The following EBF1 variants were observed in gnomAD, a reference collection of about 807,000 sequenced individuals.
The protein encoded by EBF1 is transcription factor COE1.
In EBF1, 10 loss-of-function variants were observed where a neutral mutation model predicts 68.4. The observed-to-expected ratio is 0.15, with a 90% CI of 0.09 to 0.25. The LOEUF (loss-of-function observed/expected upper bound fraction) is 0.25. Among genes scored for constraint, EBF1 ranks in the 10% least tolerant of loss-of-function variants. EBF1 has a pLI of 1.00. For missense variants in EBF1, 509 were observed against 794.4 expected (o/e 0.64, Z 4.32); for synonymous variants, 298 against 299.8 (o/e 0.99, Z 0.06).
intron 6 of EBF1, among the ~76,000 whole-genome samples, chr5:159,029,694 C>T (rs779484002): frequency 4.6e-5 from 7 of 151,826 alleles, no homozygotes; most frequent in Non-Finnish European, 7.4e-5. Flanking sequence ...ATGGCTCATG[C>T]CTGTAATCCT....
At chr5:158,945,249 T>A (rs192328819) in intron 6 of EBF1, among the ~76,000 whole-genome samples, 19 of 152,324 alleles carry the variant, frequency 1.2e-4, no homozygotes, top group Non-Finnish European at 2.1e-4. Context: ...AATTTTTGTA[T>A]AAGATGTAAG....
chr5:159,006,538 C>T (rs983520536), intron 6 of EBF1, among the ~76,000 whole-genome samples: 2 of 148,858 alleles, frequency 1.3e-5, no homozygotes, highest in Admixed American at 6.8e-5. Context: ...ACCATAATCA[C>T]CAAATCACAA....
At chr5:158,814,357 G>GT (rs1562004920) in intron 8 of EBF1, among the ~76,000 whole-genome samples, 1 of 151,946 alleles carries the variant, frequency 6.6e-6, no homozygotes, top group African/African-American at 2.4e-5. Context: ...TAAAAAAAAA[G>GT]TTTTTACATA....
At chr5:158,909,509 G>A (rs1281455478) in intron 6 of EBF1, among the ~76,000 whole-genome samples, 2 of 152,054 alleles carry the variant, frequency 1.3e-5, no homozygotes, top group African/African-American at 4.8e-5. Context: ...TTAATTAAGG[G>A]GAATCAAAAC....
chr5:158,918,761 C>T (rs1301478458), intron 6 of EBF1, among the ~76,000 whole-genome samples: 5 of 152,134 alleles, frequency 3.3e-5, no homozygotes, highest in Non-Finnish European at 5.9e-5. Context: ...ATTTATTTAC[C>T]AAATACTCAG....
chr5:159,080,653 TTAA>T (rs747147149), intron 5 of EBF1, among the ~76,000 whole-genome samples: 1 of 152,188 alleles, frequency 6.6e-6, no homozygotes, highest in Non-Finnish European at 1.5e-5. Context: ...ACTCTTACTA[TTAA>T]TAATAACAGT....
chr5:158,807,687 A>G lies in EBF1; in HGVS notation c.779-11212T>C, dbSNP rs10072496. Among the ~76,000 whole-genome samples the G allele has an allele frequency of 7.5e-3, 1,146 of 152,250 alleles. 21 individuals are homozygous for G. The highest frequency in any genetic ancestry group is 0.026 in the African/African-American group (1,089 of 41,574). ...GTCACTGACTTACCAAACAATAAAC[A>G]TAATCATGGCCAATTCTGCTCCTGA... On this transcript the variant is annotated intron_variant, in intron 8 of 15. Transcript: ENST00000313708.
intron 6 of EBF1, chr5:158,986,380 G>C (rs1759079863): frequency 6.6e-6 from 1 of 152,088 alleles, no homozygotes; most frequent in Non-Finnish European, 1.5e-5. Flanking sequence ...GGTTTCCTAG[G>C]CTGACTCTGG....
At chr5:159,099,024 A>T (rs1277797400) in intron 1 of EBF1, among the ~76,000 whole-genome samples, 1 of 152,210 alleles carries the variant, frequency 6.6e-6, no homozygotes, top group African/African-American at 2.4e-5. Flanking sequence ...TCACATAAAA[A>T]CATAAAACAC....
intron 6 of EBF1, among the ~76,000 whole-genome samples, chr5:158,971,340 C>T (rs1311919068): frequency 6.6e-6 from 1 of 152,122 alleles, no homozygotes; most frequent in East Asian, 1.9e-4. Context: ...GTGTGGCCAG[C>T]CCAGTGAGTG....
intron 6 of EBF1, among the ~76,000 whole-genome samples, chr5:158,999,278 A>G (rs915725598): frequency 4.6e-5 from 7 of 151,152 alleles, no homozygotes; most frequent in Non-Finnish European, 8.9e-5. Context: ...CTTCAAAAGC[A>G]TTAGTACTTA....
intron 6 of EBF1, among the ~76,000 whole-genome samples, chr5:159,037,657 G>A (rs1269584909): frequency 6.7e-4 from 82 of 122,930 alleles, no homozygotes; most frequent in South Asian, 2.6e-3. Context: ...GGACTGTGGT[G>A]GGGTGGGGGG....
rs375404051 is a variant in EBF1, at chr5:158,943,709, C to T, written c.555-103599G>A. Among the ~76,000 whole-genome samples the T allele has an allele frequency of 1.4e-4, 22 of 152,226 alleles. 1 individual carries two copies. The highest frequency in any genetic ancestry group is 5.1e-4 in the African/African-American group (21 of 41,536). ...TCTGAATTCCTGGGAAAACTGTGAA[C>T]CATCTCTGAAATCTCAACTGAAATG... On this transcript the variant is annotated intron_variant, in intron 6 of 15. Coordinates refer to ENST00000313708, the MANE Select transcript of EBF1 (RefSeq NM_024007.5).
chr5:158,905,662 GA>G (rs1490491713), intron 6 of EBF1, among the ~76,000 whole-genome samples: 1 of 152,140 alleles, frequency 6.6e-6, no homozygotes, highest in Non-Finnish European at 1.5e-5. Flanking sequence ...CTTTGCACAG[GA>G]GCAACATTTG....
At chr5:158,951,191 T>C (rs765714643) in intron 6 of EBF1, among the ~76,000 whole-genome samples, 2 of 152,216 alleles carry the variant, frequency 1.3e-5, no homozygotes, top group Non-Finnish European at 2.9e-5. Flanking sequence ...ACTTCCAAAT[T>C]GACTATAAAC....
intron 10 of EBF1, among the ~76,000 whole-genome samples, chr5:158,750,447 A>C (rs1429972615): frequency 6.6e-6 from 1 of 152,140 alleles, no homozygotes; most frequent in East Asian, 1.9e-4. Context: ...CTGGGCAGAT[A>C]ATATACATTT....
At chr5:158,717,150 G>A (rs889660172) in intron 11 of EBF1, among the ~76,000 whole-genome samples, 12 of 152,118 alleles carry the variant, frequency 7.9e-5, no homozygotes, top group Admixed American at 5.2e-4. Flanking sequence ...TTTGTAAAAG[G>A]CATTATAAAA....
At chr5:159,085,858 T>G (rs1369431753) in intron 4 of EBF1, among the ~76,000 whole-genome samples, 6 of 152,114 alleles carry the variant, frequency 3.9e-5, no homozygotes, top group Non-Finnish European at 7.4e-5. Context: ...TTTTTGAACC[T>G]GGGACTTTCA....
intron 6 of EBF1, among the ~76,000 whole-genome samples, chr5:159,041,881 C>T (rs1771263730): frequency 6.6e-6 from 1 of 152,180 alleles, no homozygotes; most frequent in Admixed American, 6.5e-5. Context: ...CCGTGTGTTG[C>T]AGAGACTTAA....
Sources: allele counts gnomAD v4.1 joint callset (sites outside exome capture counted in the v4.1 genomes callset), GRCh38; gene constraint gnomAD v4.1.1; transcripts MANE v1.5; gene names NCBI Gene and HGNC (gene_info 2026-07-23, HGNC 2026-07-21).